The following MSRB3 variants were observed in gnomAD, a reference collection of about 807,000 sequenced individuals.
MSRB3 encodes methionine-R-sulfoxide reductase B3.
A neutral mutation model predicts 21.0 loss-of-function variants in MSRB3; 13 were observed. That is an observed-to-expected ratio of 0.62 (90% CI 0.40 to 0.98). The LOEUF is 0.98. Ranked by LOEUF, MSRB3 falls within the 50% of genes least tolerant of loss-of-function variation. The pLI, the probability that MSRB3 is intolerant of heterozygous loss-of-function variation, is 0.00. For missense variants in MSRB3, 199 were observed against 230.3 expected, an observed-to-expected ratio of 0.86 and a Z score of 0.88; for synonymous variants, 87 against 88.6, an observed-to-expected ratio of 0.98 and a Z score of 0.10.
At chr12:65,339,308 A>T (rs1875986642) in intron 4 of MSRB3, among the ~76,000 whole-genome samples, 1 of 152,176 alleles carries the variant, frequency 6.6e-6, no homozygotes, top group Non-Finnish European at 1.5e-5. Context: ...TGCACTTGTG[A>T]CAAACAAAAA....
intron 1 of MSRB3, among the ~76,000 whole-genome samples, chr12:65,299,494 G>A (rs1873182535): frequency 6.6e-6 from 1 of 152,168 alleles, no homozygotes; most frequent in Non-Finnish European, 1.5e-5. Context: ...CAAAGCAAGT[G>A]ACTTTGTCTT....
chr12:65,445,843 C>A (rs1259025881), intron 5 of MSRB3, among the ~76,000 whole-genome samples: 2 of 151,884 alleles, frequency 1.3e-5, no homozygotes, highest in South Asian at 4.2e-4. Flanking sequence ...ATGGGTTTCA[C>A]CATGTTGCCC....
At chr12:65,338,513 C>T (rs765299799) in intron 4 of MSRB3, among the ~76,000 whole-genome samples, 15 of 152,080 alleles carry the variant, frequency 9.9e-5, no homozygotes, top group Non-Finnish European at 1.8e-4. Flanking sequence ...GGAGTGATGA[C>T]GACGTCTATG....
rs181469062 is a variant in MSRB3 at position 65,305,265 on chromosome 12, C to T, written c.-51-3264C>T. On this transcript the variant is annotated intron_variant, in intron 1 of 6. Transcript: ENST00000308259. Reference sequence around the variant, plus strand: ...GTACTTTTAGTTTCGCCGTGTTGGTCAGGTTGGTCTGGAACTCCTGACCTC... The same window carrying T: ...GTACTTTTAGTTTCGCCGTGTTGGTTAGGTTGGTCTGGAACTCCTGACCTC... 1.4e-3 allele frequency: 220 copies of T among 152,122 alleles called. 2 individuals are homozygous for T. Among genetic ancestry groups the T allele is most frequent in the African/African-American group, 5.0e-3 (206 of 41,508 alleles). The allele number at this position is 152,122 out of a possible 1,614,324, so 9.4% of individuals were successfully genotyped here. A position where few individuals can be genotyped will look rare whatever the true frequency, so the allele number is the denominator to read the frequency against.
At chr12:65,366,453 G>A (rs190169456) in intron 4 of MSRB3, among the ~76,000 whole-genome samples, 2 of 152,252 alleles carry the variant, frequency 1.3e-5, no homozygotes, top group African/African-American at 4.8e-5. Context: ...CCTGGCTGGT[G>A]GAAAACAGCA....
chr12:65,306,819 G>A (rs1873680577), intron 1 of MSRB3: 3 of 984,558 alleles, frequency 3.0e-6, no homozygotes, highest in Non-Finnish European at 3.6e-6. Context: ...TGGCCCTCAG[G>A]TTTTAATTGT....
At chr12:65,362,326 C>A (rs1877757157) in intron 4 of MSRB3, among the ~76,000 whole-genome samples, 1 of 152,142 alleles carries the variant, frequency 6.6e-6, no homozygotes, top group Non-Finnish European at 1.5e-5. Flanking sequence ...CATTTTCATG[C>A]AGAAAAATCC....
chr12:65,407,140 C>T (rs1880458264), intron 5 of MSRB3, among the ~76,000 whole-genome samples: 1 of 152,036 alleles, frequency 6.6e-6, no homozygotes, highest in African/African-American at 2.4e-5. Flanking sequence ...GTAGAGAGTC[C>T]AGAACTAAAT....
In MSRB3 at chr12:65,304,685, A is replaced by G. The variant is rs530380849; in HGVS notation, c.-51-3844A>G. Among the ~76,000 whole-genome samples the G allele has an allele frequency of 5.3e-4, 81 of 152,348 alleles. No homozygotes were observed. The Middle Eastern group carries it at 0.01, about 19-fold the overall frequency. On this transcript the variant is annotated intron_variant, in intron 1 of 6. Transcript: ENST00000308259. The stretch of plus-strand genomic sequence containing the variant: ...TGGATTTTCTGGTGATCCTTGCTCA[A>G]TGCTGATTTCTACAGGGTGTTTAAT...
chr12:65,447,094 A>G (rs1278254342), intron 5 of MSRB3, among the ~76,000 whole-genome samples: 1 of 152,210 alleles, frequency 6.6e-6, no homozygotes, highest in Non-Finnish European at 1.5e-5. Context: ...TGAGGTATTC[A>G]GGGAACGCCA....
intron 5 of MSRB3, among the ~76,000 whole-genome samples, chr12:65,453,523 T>C (rs899741057): frequency 2.6e-5 from 4 of 152,210 alleles, no homozygotes; most frequent in African/African-American, 9.6e-5. Flanking sequence ...AACTGTAATC[T>C]GAATATGAGG....
intron 1 of MSRB3, among the ~76,000 whole-genome samples, chr12:65,287,731 G>A (rs933053739): frequency 2.6e-5 from 4 of 152,098 alleles, no homozygotes; most frequent in Non-Finnish European, 4.4e-5. Context: ...TAGTCAGATC[G>A]CCTTAGGGGG....
intron 2 of MSRB3, among the ~76,000 whole-genome samples, chr12:65,320,220 A>G (rs1375715758): frequency 6.6e-6 from 1 of 152,192 alleles, no homozygotes; most frequent in Non-Finnish European, 1.5e-5. Context: ...TTACATATAG[A>G]AAAGAACAAA....
intron 5 of MSRB3, among the ~76,000 whole-genome samples, chr12:65,411,653 T>C (rs554781962): frequency 3.3e-5 from 5 of 151,870 alleles, no homozygotes; most frequent in East Asian, 3.9e-4. Flanking sequence ...ACATTGGTTA[T>C]TGATGAAATA....
At chr12:65,383,700 G>T (rs1012585713) in intron 5 of MSRB3, among the ~76,000 whole-genome samples, 2 of 146,202 alleles carry the variant, frequency 1.4e-5, no homozygotes, top group Non-Finnish European at 3.0e-5. Context: ...TCACTCTGTC[G>T]CCTGGGCTAG....
At chr12:65,302,649 A>G (rs1873405265) in intron 1 of MSRB3, among the ~76,000 whole-genome samples, 3 of 152,182 alleles carry the variant, frequency 2.0e-5, no homozygotes, top group Admixed American at 1.3e-4. Flanking sequence ...AAATACAATC[A>G]CAAAAGGATC....
chr12:65,421,970 T>G (rs571346803), intron 5 of MSRB3, among the ~76,000 whole-genome samples: 1 of 152,168 alleles, frequency 6.6e-6, no homozygotes, highest in Non-Finnish European at 1.5e-5. Context: ...AATGGTATGC[T>G]TTCTTCAAGA....
chr12:65,419,204 G>A (rs1881143640), intron 5 of MSRB3: 1 of 710,222 alleles, frequency 1.4e-6, no homozygotes, highest in Admixed American at 1.9e-5. Context: ...TTAATCTGCT[G>A]AGACCAGTAT....
Position 65,368,995 on chromosome 12 carries a change from C to T in MSRB3, c.264-3C>T, listed in dbSNP as rs955346041. ...ATTGTAAAAACTTTCTTTCTCTTTG[C>T]AGGTCAGAAACCAAATTTGACTCCG... On this transcript the variant is annotated splice_region_variant and splice_polypyrimidine_tract_variant and intron_variant, in intron 4 of 6. Coordinates refer to ENST00000308259, the MANE Select transcript of MSRB3 (RefSeq NM_001031679.3). 3 of 1,374,068 alleles carry T rather than the reference C, an allele frequency of 2.2e-6. No homozygotes were observed. The highest frequency in any genetic ancestry group is 3.9e-5 in the East Asian group (1 of 25,548). The allele number at this position is 1,374,068 out of a possible 1,614,324, so 85.1% of individuals were successfully genotyped here. A position where few individuals can be genotyped will look rare whatever the true frequency, so the allele number is the denominator to read the frequency against.
Sources: allele counts gnomAD v4.1 joint callset (sites outside exome capture counted in the v4.1 genomes callset), GRCh38; gene constraint gnomAD v4.1.1; transcripts MANE v1.5; gene names NCBI Gene and HGNC (gene_info 2026-07-23, HGNC 2026-07-21).